TMEM178B: variants seen among roughly 807,000 people sequenced by gnomAD.
TMEM178B encodes the protein transmembrane protein 178B.
In TMEM178B, 5 loss-of-function variants were observed where a neutral mutation model predicts 31.0. The ratio of observed to expected loss-of-function variants is 0.16; its 90% CI spans 0.08 to 0.34. The LOEUF is 0.34. Among genes scored for constraint, TMEM178B ranks in the 10% least tolerant of loss-of-function variants. The pLI, the probability that TMEM178B is intolerant of heterozygous loss-of-function variation, is 1.00. For synonymous variants in TMEM178B, 164 were observed against 164.0 expected (o/e 1.00, Z 0.00); for missense variants, 275 against 400.3 (o/e 0.69, Z 2.67).
Position 141,461,871 on chromosome 7 carries a change from C to G in TMEM178B, c.635-8665C>G, listed in dbSNP as rs567118102. Among the ~76,000 whole-genome samples, 30 of 152,284 alleles carry G rather than the reference C, an allele frequency of 2.0e-4. No individual in the cohort carries two copies. The South Asian group carries it at 4.8e-3, about 24-fold the overall frequency. On this transcript the variant is annotated intron_variant, in intron 3 of 3. Transcript: ENST00000565468. This position sits in a 1 kb window ranked among gnomAD's most constrained non-coding sequence, Gnocchi z 4.0. ...TTGGTCATTAACCTTTAAGGTGGTACTAGGAAAGAGCCAATATTGAGTTGG... is the reference window on the plus strand; with the variant it reads ...TTGGTCATTAACCTTTAAGGTGGTAGTAGGAAAGAGCCAATATTGAGTTGG...
intron 2 of TMEM178B, among the ~76,000 whole-genome samples, chr7:141,323,400 G>C (rs1799134716): frequency 6.6e-6 from 1 of 152,170 alleles, no homozygotes; most frequent in South Asian, 2.1e-4. Flanking sequence ...TTACACTGGG[G>C]TGACATACCT....
chr7:141,191,074 C>T (rs963390471), intron 1 of TMEM178B, among the ~76,000 whole-genome samples: 2 of 152,270 alleles, frequency 1.3e-5, no homozygotes, highest in South Asian at 2.1e-4. Flanking sequence ...TACATCATTT[C>T]GCTTAAAGCC....
At chr7:141,154,406 G>T (rs1796031170) in intron 1 of TMEM178B, among the ~76,000 whole-genome samples, 1 of 152,200 alleles carries the variant, frequency 6.6e-6, no homozygotes, top group African/African-American at 2.4e-5. Flanking sequence ...ACAGACCGAG[G>T]CTCTGCTATA....
At chr7:141,094,866 A>G (rs926049749) in intron 1 of TMEM178B, among the ~76,000 whole-genome samples, 24 of 152,208 alleles carry the variant, frequency 1.6e-4, no homozygotes, top group Non-Finnish European at 3.2e-4. Context: ...CTGTGTCTGC[A>G]TTTCAGAGCC....
intron 1 of TMEM178B, among the ~76,000 whole-genome samples, chr7:141,209,203 C>T (rs1797012702): frequency 6.6e-6 from 1 of 152,212 alleles, no homozygotes; most frequent in Non-Finnish European, 1.5e-5. Context: ...TTCCTTTCCT[C>T]TTTCTTTGAT....
chr7:141,366,547 G>A (rs1800008403), intron 2 of TMEM178B, among the ~76,000 whole-genome samples: 1 of 152,094 alleles, frequency 6.6e-6, no homozygotes, highest in Non-Finnish European at 1.5e-5. Context: ...TTTGGGGAGG[G>A]GCTTCTTTGC....
chr7:141,369,563 G>T (rs1426038914), intron 2 of TMEM178B, among the ~76,000 whole-genome samples: 1 of 152,146 alleles, frequency 6.6e-6, no homozygotes, highest in African/African-American at 2.4e-5. Flanking sequence ...TCAAAGGAAG[G>T]TGTTTTGCTT....
intron 1 of TMEM178B, among the ~76,000 whole-genome samples, chr7:141,141,553 T>C (rs1003138174): frequency 2.0e-5 from 3 of 152,250 alleles, no homozygotes; most frequent in Non-Finnish European, 4.4e-5. Context: ...TTCCTATTTA[T>C]TATCTGTCTC....
At chr7:141,435,506 A>G (rs1179036784) in intron 2 of TMEM178B, among the ~76,000 whole-genome samples, 1 of 152,168 alleles carries the variant, frequency 6.6e-6, no homozygotes, top group Non-Finnish European at 1.5e-5. Flanking sequence ...CGGTCACTCC[A>G]GAGTCTCTTG....
intron 2 of TMEM178B, among the ~76,000 whole-genome samples, chr7:141,343,040 C>A (rs796175506): frequency 2.0e-4 from 31 of 152,310 alleles, no homozygotes; most frequent in African/African-American, 7.2e-4. Context: ...GCTTGGCCCA[C>A]CCCCAGGGTT....
At chr7:141,118,996 A>G (rs2129176118) in intron 1 of TMEM178B, among the ~76,000 whole-genome samples, 1 of 152,260 alleles carries the variant, frequency 6.6e-6, no homozygotes, top group Non-Finnish European at 1.5e-5. Context: ...CTCTTAAGAC[A>G]TTTTGCTGAG....
At chr7:141,254,218 C>T (rs1470638857) in intron 2 of TMEM178B, among the ~76,000 whole-genome samples, 1 of 152,138 alleles carries the variant, frequency 6.6e-6, no homozygotes. Flanking sequence ...GCCATCCCAC[C>T]AAAGTACAGA....
At chr7:141,281,254 A>T (rs1214619425) in intron 2 of TMEM178B, among the ~76,000 whole-genome samples, 1 of 152,244 alleles carries the variant, frequency 6.6e-6, no homozygotes, top group Non-Finnish European at 1.5e-5. Flanking sequence ...TGGAATTTAA[A>T]TAGTGCCTCA....
chr7:141,187,676 AT>A (rs1438326005), intron 1 of TMEM178B, among the ~76,000 whole-genome samples: 1 of 152,072 alleles, frequency 6.6e-6, no homozygotes, highest in Admixed American at 6.5e-5. Flanking sequence ...TTTGATTTGC[AT>A]TTCTCTGATG....
chr7:141,394,636 C>G (rs1029822114), intron 2 of TMEM178B, among the ~76,000 whole-genome samples: 1 of 152,116 alleles, frequency 6.6e-6, no homozygotes, highest in Non-Finnish European at 1.5e-5. Flanking sequence ...GTGGTATCTC[C>G]GACCCAGGGA....
At chr7:141,231,648 A>C (rs1207798161) in intron 2 of TMEM178B, among the ~76,000 whole-genome samples, 2 of 152,198 alleles carry the variant, frequency 1.3e-5, no homozygotes, top group Non-Finnish European at 2.9e-5. Flanking sequence ...CTGCATCTGC[A>C]AGGTGGAGAC....
chr7:141,427,652 T>A (rs1254091399), intron 2 of TMEM178B, among the ~76,000 whole-genome samples: 2 of 152,170 alleles, frequency 1.3e-5, no homozygotes, highest in South Asian at 2.1e-4. Context: ...GGCAAGGATT[T>A]TTTTTTATAT....
chr7:141,349,665 A>G (rs1449219734), intron 2 of TMEM178B, among the ~76,000 whole-genome samples: 1 of 152,208 alleles, frequency 6.6e-6, no homozygotes, highest in Non-Finnish European at 1.5e-5. Flanking sequence ...GAACAAAGGA[A>G]AGATTCAGCA....
chr7:141,510,696 AAAAAAAAAAAAAAAAAG>A, the TMEM178B span, among the ~76,000 whole-genome samples: 1 of 143,728 alleles, frequency 7.0e-6, no homozygotes, highest in Non-Finnish European at 1.5e-5. Context: ...AAAAAAAAAA[AAAAAAAAAAAAAAAAAG>A]AAAAAAAAAG....
Sources: gnomAD v4.1 joint callset for allele counts (sites outside exome capture counted in the v4.1 genomes callset) on GRCh38, gnomAD v4.1.1 for gene constraint, Gnocchi (gnomAD v3.1) non-coding constraint, MANE v1.5 for transcripts, NCBI Gene and HGNC (gene_info 2026-07-23, HGNC 2026-07-21) for gene names.